TENM4: variants seen among roughly 807,000 people sequenced by gnomAD.
TENM4 encodes teneurin transmembrane protein 4.
Under a neutral mutation model 243.3 loss-of-function variants are expected in TENM4, and 82 were observed. The ratio of observed to expected loss-of-function variants is 0.34; its 90% CI spans 0.28 to 0.40. TENM4 has a LOEUF of 0.40. TENM4 is among the 10% of genes least tolerant of loss of function. The pLI, the probability that TENM4 is intolerant of heterozygous loss-of-function variation, is 1.00. For missense variants in TENM4, 3,138 were observed against 3,673.3 expected (o/e 0.85, Z 3.77); for synonymous variants, 1,412 against 1,456.3 (o/e 0.97, Z 0.69).
At chr11:78,807,563 G>T (rs1265975403) in intron 14 of TENM4, among the ~76,000 whole-genome samples, 1 of 152,198 alleles carries the variant, frequency 6.6e-6, no homozygotes, top group African/African-American at 2.4e-5. Context: ...AGAGAAGACA[G>T]GATTGGTAAA....
intron 3 of TENM4, among the ~76,000 whole-genome samples, chr11:79,165,576 C>G (rs552572506): frequency 6.6e-6 from 1 of 152,236 alleles, no homozygotes; most frequent in East Asian, 1.9e-4. Context: ...AGGAGATTTT[C>G]TCCTACTCTG....
chr11:78,879,731 G>A (rs948708241), intron 9 of TENM4, among the ~76,000 whole-genome samples: 8 of 151,062 alleles, frequency 5.3e-5, no homozygotes, highest in South Asian at 2.1e-4. Flanking sequence ...CTGCACGGCC[G>A]CCACCCTGTC....
intron 6 of TENM4, among the ~76,000 whole-genome samples, chr11:78,937,876 C>T (rs1856819553): frequency 6.6e-6 from 1 of 152,214 alleles, no homozygotes; most frequent in South Asian, 2.1e-4. Flanking sequence ...ACCTCCTCTG[C>T]TCAGCTTATT....
intron 6 of TENM4, among the ~76,000 whole-genome samples, chr11:78,914,983 C>T (rs1856282305): frequency 6.6e-6 from 1 of 152,194 alleles, no homozygotes; most frequent in African/African-American, 2.4e-5. Flanking sequence ...TATGTTGCTT[C>T]CCTGATTGAA....
chr11:78,964,767 A>G (rs1030191895), intron 6 of TENM4, among the ~76,000 whole-genome samples: 1 of 152,200 alleles, frequency 6.6e-6, no homozygotes, highest in African/African-American at 2.4e-5. Context: ...GGTACAGTGC[A>G]CTTGTGGAAT....
intron 6 of TENM4, among the ~76,000 whole-genome samples, chr11:78,926,718 A>T: frequency 6.8e-6 from 1 of 147,810 alleles, no homozygotes; most frequent in African/African-American, 2.6e-5. Flanking sequence ...CTTTAACATG[A>T]GATTTGACGT....
intron 15 of TENM4, among the ~76,000 whole-genome samples, chr11:78,800,432 C>G (rs575921596): frequency 6.6e-6 from 1 of 152,152 alleles, no homozygotes; most frequent in African/African-American, 2.4e-5. Context: ...ACAAGGAGCA[C>G]AGAGATTTGG....
At chr11:78,768,145 G>A (rs920096904) in intron 18 of TENM4, among the ~76,000 whole-genome samples, 7 of 152,234 alleles carry the variant, frequency 4.6e-5, no homozygotes, top group Non-Finnish European at 8.8e-5. Context: ...ACTCTCTATG[G>A]TTGTTTCATC....
chr11:79,311,172 G>A (rs537052912), intron 1 of TENM4, among the ~76,000 whole-genome samples: 32 of 152,260 alleles, frequency 2.1e-4, no homozygotes, highest in African/African-American at 4.6e-4. Flanking sequence ...GCTTCTGACC[G>A]GACAAAATCC....
chr11:79,326,287 C>A (rs1163307306), intron 1 of TENM4, among the ~76,000 whole-genome samples: 1 of 152,142 alleles, frequency 6.6e-6, no homozygotes, highest in African/African-American at 2.4e-5. Flanking sequence ...TTCTCCTATA[C>A]ACATCAACCC....
At chr11:79,309,855 T>A (rs1413476611) in intron 1 of TENM4, among the ~76,000 whole-genome samples, 1 of 152,230 alleles carries the variant, frequency 6.6e-6, no homozygotes, top group Non-Finnish European at 1.5e-5. Context: ...GTTTCCAGAA[T>A]GTGTCATCCT....
At chr11:78,984,259 T>C (rs1007318563) in intron 6 of TENM4, among the ~76,000 whole-genome samples, 2 of 152,214 alleles carry the variant, frequency 1.3e-5, no homozygotes, top group African/African-American at 4.8e-5. Context: ...ATGTAAGGCT[T>C]AGAGTATCCT....
At chr11:78,746,207 T>G (rs187557572) in intron 19 of TENM4, among the ~76,000 whole-genome samples, 11 of 152,316 alleles carry the variant, frequency 7.2e-5, no homozygotes, top group Admixed American at 6.5e-4. Flanking sequence ...GTCAGTGATA[T>G]CTGAAGGTGG....
intron 4 of TENM4, among the ~76,000 whole-genome samples, chr11:79,071,404 G>T (rs925558208): frequency 1.3e-5 from 2 of 151,954 alleles, no homozygotes; most frequent in Admixed American, 1.3e-4. Context: ...CCAGGGTGGG[G>T]CCTTGACAGC....
At chr11:78,863,159 C>CT (rs1225654652) in intron 9 of TENM4, 27 bp from the exon 10 acceptor site, 1 of 1,459,104 alleles carries the variant, frequency 6.9e-7, no homozygotes, top group Non-Finnish European at 9.2e-7. Flanking sequence ...GAAAAGTCAT[C>CT]TTTTTCTGCT....
chr11:78,897,917 A>G (rs75224869), intron 7 of TENM4, among the ~76,000 whole-genome samples: 3,057 of 152,256 alleles, frequency 0.02, 71 homozygotes, highest in African/African-American at 0.056. Flanking sequence ...AGGCTTCCCT[A>G]CCAGGCTTGA....
At chr11:79,035,417 C>G (rs1859351423) in intron 6 of TENM4, among the ~76,000 whole-genome samples, 1 of 152,132 alleles carries the variant, frequency 6.6e-6, no homozygotes, top group African/African-American at 2.4e-5. Flanking sequence ...CTCTGCTGTG[C>G]CTGTGGTAAC....
chr11:78,657,995 A>G lies in TENM4; in HGVS notation c.*63T>C, dbSNP rs1213361742. On this transcript the variant is annotated 3_prime_UTR_variant, in exon 34 of 34. Transcript: ENST00000278550. ...AAAATCATTTTTTTAAAAGTACAAC[A>G]CAGTCAGGTATGCGGCCACAAAAGA... 1.2e-6 allele frequency: 2 copies of G among 1,605,282 alleles called. No individual in the cohort carries two copies. The highest frequency in any genetic ancestry group is 3.4e-5 in the Admixed American group (2 of 59,490).
chr11:78,834,020 T>G (rs1214620115), intron 12 of TENM4, among the ~76,000 whole-genome samples: 1 of 152,230 alleles, frequency 6.6e-6, no homozygotes, highest in Non-Finnish European at 1.5e-5. Flanking sequence ...CGTCAGCCCA[T>G]GTCCCTCAGC....
Sources: allele counts gnomAD v4.1 joint callset (sites outside exome capture counted in the v4.1 genomes callset), GRCh38; gene constraint gnomAD v4.1.1; transcripts MANE v1.5; gene names NCBI Gene and HGNC (gene_info 2026-07-23, HGNC 2026-07-21).